The following CGGBP1 variants were observed in gnomAD, a reference collection of about 807,000 sequenced individuals.
CGGBP1 encodes CGG triplet repeat-binding protein 1.
A neutral mutation model predicts 11.4 loss-of-function variants in CGGBP1; 4 were observed. That is an observed-to-expected ratio of 0.35 (90% CI 0.17 to 0.80). CGGBP1 has a LOEUF of 0.80. Among genes scored for constraint, CGGBP1 ranks in the 30% least tolerant of loss-of-function variants. CGGBP1 has a pLI of 0.52. For synonymous variants in CGGBP1, 76 were observed against 74.1 expected (o/e 1.03, Z -0.13); for missense variants, 135 against 202.1 (o/e 0.67, Z 2.01).
At chr3:88,140,660 T>G (rs1707067203) in intron 2 of CGGBP1, 1 of 1,613,566 alleles carries the variant, frequency 6.2e-7, no homozygotes, top group African/African-American at 1.3e-5. Flanking sequence ...CTTTGAAAAT[T>G]GATACAAACA....
intron 2 of CGGBP1, among the ~76,000 whole-genome samples, chr3:88,065,166 C>T (rs1270749605): frequency 6.6e-6 from 1 of 152,134 alleles, no homozygotes; most frequent in Non-Finnish European, 1.5e-5. Flanking sequence ...TTCAAGTCTT[C>T]ATAAAAGGTG....
At chr3:88,132,272 G>A (rs552862846) in intron 2 of CGGBP1, among the ~76,000 whole-genome samples, 2 of 152,026 alleles carry the variant, frequency 1.3e-5, no homozygotes, top group South Asian at 2.1e-4. Context: ...GGTGACTGAC[G>A]TCATTATATA....
intron 2 of CGGBP1, among the ~76,000 whole-genome samples, chr3:88,131,047 T>G (rs1706427842): frequency 6.6e-6 from 1 of 152,170 alleles, no homozygotes; most frequent in South Asian, 2.1e-4. Context: ...GGCAGTTTCC[T>G]TGTGTGAATA....
chr3:88,083,840 T>C (rs1364549348), intron 2 of CGGBP1, among the ~76,000 whole-genome samples: 2 of 152,080 alleles, frequency 1.3e-5, no homozygotes, highest in Non-Finnish European at 2.9e-5. Context: ...GCTTACTGCC[T>C]TGTGGCCTTG....
chr3:88,129,805 A>G (rs1706338080), intron 2 of CGGBP1: 1 of 1,524,610 alleles, frequency 6.6e-7, no homozygotes, highest in African/African-American at 1.4e-5. Context: ...CAGCTCCAGA[A>G]TGGGGATATG....
intron 2 of CGGBP1, among the ~76,000 whole-genome samples, chr3:88,135,925 A>T (rs1441928705): frequency 6.6e-6 from 1 of 152,114 alleles, no homozygotes; most frequent in Non-Finnish European, 1.5e-5. Context: ...TAAATAATAC[A>T]TTTTAATTTT....
intron 2 of CGGBP1, chr3:88,129,911 TA>T: frequency 1.7e-6 from 2 of 1,206,974 alleles, no homozygotes; most frequent in Admixed American, 6.4e-5. Flanking sequence ...TTTTACATTG[TA>T]TGAAAATGTC....
At chr3:88,105,513 A>T (rs867728680) in intron 2 of CGGBP1, among the ~76,000 whole-genome samples, 6 of 151,944 alleles carry the variant, frequency 3.9e-5, no homozygotes, top group Middle Eastern at 3.2e-3. Flanking sequence ...CCTCTTTTTG[A>T]ATTTTTGCCA....
chr3:88,141,672 T>C, intron 1 of CGGBP1: 6 of 1,502,096 alleles, frequency 4.0e-6, no homozygotes, highest in Non-Finnish European at 5.4e-6. Flanking sequence ...TTCAGAAAGA[T>C]CTGTCAATCA....
chr3:88,116,295 C>T (rs1705387066), intron 2 of CGGBP1, among the ~76,000 whole-genome samples: 1 of 151,952 alleles, frequency 6.6e-6, no homozygotes, highest in Admixed American at 6.6e-5. Flanking sequence ...CCGAGGCGGG[C>T]AGATCACCTG....
At chr3:88,086,354 T>A in intron 2 of CGGBP1, 1 of 1,535,670 alleles carries the variant, frequency 6.5e-7, no homozygotes, top group Non-Finnish European at 8.7e-7. Flanking sequence ...AGTGCATCAT[T>A]CCCAGATGAA....
intron 2 of CGGBP1, chr3:88,126,047 CCATCAGT>C: frequency 7.9e-7 from 1 of 1,263,954 alleles, no homozygotes; most frequent in Non-Finnish European, 1.0e-6. Flanking sequence ...GCCTCACTGG[CCATCAGT>C]CATTTTATTG....
intron 2 of CGGBP1, chr3:88,139,513 C>T: frequency 1.9e-6 from 3 of 1,613,436 alleles, no homozygotes; most frequent in Non-Finnish European, 2.5e-6. Context: ...GAAGTCACTG[C>T]TTTGGAAGAA....
intron 2 of CGGBP1, among the ~76,000 whole-genome samples, chr3:88,121,373 AT>A (rs2107800444): frequency 6.6e-6 from 1 of 152,222 alleles, no homozygotes; most frequent in Admixed American, 6.5e-5. Flanking sequence ...TGACATACTG[AT>A]TTTTGGCAAC....
chr3:88,110,982 A>G (rs1705055086), intron 2 of CGGBP1, among the ~76,000 whole-genome samples: 1 of 152,024 alleles, frequency 6.6e-6, no homozygotes, highest in Non-Finnish European at 1.5e-5. Context: ...TGGGGCATGC[A>G]CACTACCATC....
chr3:88,120,480 C>T (rs1705700583), intron 2 of CGGBP1, among the ~76,000 whole-genome samples: 1 of 151,920 alleles, frequency 6.6e-6, no homozygotes, highest in African/African-American at 2.4e-5. Flanking sequence ...CGATAGAGGC[C>T]TAGACTAGAA....
intron 2 of CGGBP1, among the ~76,000 whole-genome samples, chr3:88,071,762 C>T (rs1425736536): frequency 6.6e-6 from 1 of 152,132 alleles, no homozygotes; most frequent in Admixed American, 6.5e-5. Flanking sequence ...TGAGATCGTA[C>T]CATTGCACTC....
chr3:88,107,230 G>A (rs1704798461), intron 2 of CGGBP1, among the ~76,000 whole-genome samples: 3 of 152,100 alleles, frequency 2.0e-5, no homozygotes, highest in Non-Finnish European at 2.9e-5. Flanking sequence ...GAACACTAAC[G>A]CTGAATGAAT....
At chr3:88,098,400 G>T (rs1189796510) in intron 2 of CGGBP1, among the ~76,000 whole-genome samples, 1 of 152,284 alleles carries the variant, frequency 6.6e-6, no homozygotes, top group East Asian at 1.9e-4. Context: ...TCTACCAGAG[G>T]TACAAAGAGG....
Sources: gnomAD v4.1 joint callset for allele counts (sites outside exome capture counted in the v4.1 genomes callset) on GRCh38, gnomAD v4.1.1 for gene constraint, MANE v1.5 for transcripts, NCBI Gene and HGNC (gene_info 2026-07-23, HGNC 2026-07-21) for gene names.